PCDHGA3: variants seen among roughly 807,000 people sequenced by gnomAD.
The protein encoded by PCDHGA3 is protocadherin gamma subfamily A, 3.
Under a neutral mutation model 58.5 loss-of-function variants are expected in PCDHGA3, and 40 were observed. That is an observed-to-expected ratio of 0.68 (90% confidence interval 0.53 to 0.89). The LOEUF (loss-of-function observed/expected upper bound fraction) is 0.89. Among genes scored for constraint, PCDHGA3 ranks in the 40% least tolerant of loss-of-function variants. The probability of loss-of-function intolerance (pLI) is 0.00; values close to 1 mark genes in which losing one functional copy is unlikely to be tolerated. For synonymous variants in PCDHGA3, 530 were observed against 525.7 expected, an observed-to-expected ratio of 1.01 and a Z score of -0.11; for missense variants, 1,223 against 1,195.9, an observed-to-expected ratio of 1.02 and a Z score of -0.33.
At chr5:141,370,230 C>CG (rs1766760577) in intron 1 of PCDHGA3, 1 of 588,024 alleles carries the variant, frequency 1.7e-6, no homozygotes, top group East Asian at 2.9e-5. Flanking sequence ...GCAGCCAGCT[C>CG]GGAAGAAAAG....
chr5:141,481,351 A>G (rs2099536232), intron 1 of PCDHGA3, among the ~76,000 whole-genome samples: 1 of 152,152 alleles, frequency 6.6e-6, no homozygotes, highest in Non-Finnish European at 1.5e-5. Context: ...TTAAACATCT[A>G]CAGCTGTTCA....
At chr5:141,421,429 G>T in intron 1 of PCDHGA3, 1 of 1,614,090 alleles carries the variant, frequency 6.2e-7, no homozygotes, top group Non-Finnish European at 8.5e-7. Flanking sequence ...AGTCCGCATC[G>T]TCTCCAGAGG....
intron 1 of PCDHGA3, among the ~76,000 whole-genome samples, chr5:141,479,036 G>C (rs1202411463): frequency 1.3e-5 from 2 of 152,012 alleles, no homozygotes; most frequent in Non-Finnish European, 2.9e-5. Flanking sequence ...TATACAGATC[G>C]TGTACCTCAT....
At chr5:141,398,162 A>G (rs1037240871) in intron 1 of PCDHGA3, 45 of 1,481,274 alleles carry the variant, frequency 3.0e-5, no homozygotes, top group Non-Finnish European at 4.0e-5. Flanking sequence ...GGCCGGGCTG[A>G]GAGGCTGCCA....
Position 141,432,126 on chromosome 5 carries a change from C to A in PCDHGA3, c.2425-62681C>A. 6.2e-7 allele frequency: 1 copy of A among 1,614,144 alleles called. No homozygotes were observed. Among genetic ancestry groups the A allele is most frequent in the South Asian group, 1.1e-5 (1 of 91,058 alleles). ...AACCCGCCGGTCTTCCCTCAGGCCT[C>A]CTATTCCGCTTATATCCCAGAGAAC... On this transcript the variant is annotated intron_variant, in intron 1 of 3. Transcript: ENST00000253812. The surrounding 1 kb of genome is among the most constrained non-coding windows in gnomAD (Gnocchi z 6.0).
At chr5:141,423,926 T>C (rs925790302) in intron 1 of PCDHGA3, 2 of 1,245,276 alleles carry the variant, frequency 1.6e-6, no homozygotes, top group Non-Finnish European at 2.0e-6. Flanking sequence ...CTATGCTGGT[T>C]TGGTTTGAAG....
In PCDHGA3 at chr5:141,362,558, T is replaced by G. The variant is rs1762565840; in HGVS notation, c.2424+16101T>G. ...TTTGCCTCAGATACTATTTTGAAGG[T>G]GAGCTTTAATTAATTTATTTTCACT... On this transcript the variant is annotated intron_variant, in intron 1 of 3. Transcript: ENST00000253812. 4 of 1,611,392 alleles carry G rather than the reference T, an allele frequency of 2.5e-6. No homozygotes were observed. The Middle Eastern group carries it at 5.0e-4, about 200-fold the overall frequency.
At chr5:141,408,645 C>T (rs763904747) in intron 1 of PCDHGA3, 10 of 1,613,890 alleles carry the variant, frequency 6.2e-6, no homozygotes, top group Non-Finnish European at 8.5e-6. Flanking sequence ...TCTGCATCCG[C>T]TGGTACACGA....
intron 1 of PCDHGA3, chr5:141,392,975 GGA>G: frequency 6.2e-7 from 1 of 1,613,862 alleles, no homozygotes; most frequent in Non-Finnish European, 8.5e-7. Context: ...ACCTGGGGCT[GGA>G]CCCCCGGAAG....
intron 1 of PCDHGA3, among the ~76,000 whole-genome samples, chr5:141,471,883 C>T (rs951573411): frequency 6.6e-6 from 1 of 152,084 alleles, no homozygotes; most frequent in Non-Finnish European, 1.5e-5. Flanking sequence ...GAGGCTGAAG[C>T]TAGGAAGATT....
In PCDHGA3 at chr5:141,376,166, G is replaced by A. The variant is rs753856036; in HGVS notation, c.2424+29709G>A. Reference sequence around the variant, plus strand: ...TTCGGACCTCACTCTGTACCTGGTGGTGGCGGTGGCCGCGGTCTCCTGCGT... The same window carrying A: ...TTCGGACCTCACTCTGTACCTGGTGATGGCGGTGGCCGCGGTCTCCTGCGT... On this transcript the variant is annotated intron_variant, in intron 1 of 3. Transcript: ENST00000253812. The A allele has an allele frequency of 3.3e-5, 53 of 1,614,094 alleles. 1 individual carries two copies. The South Asian group carries it at 5.3e-4, about 16-fold the overall frequency.
At chr5:141,452,854 A>G (rs137963870) in intron 1 of PCDHGA3, among the ~76,000 whole-genome samples, 109 of 152,264 alleles carry the variant, frequency 7.2e-4, no homozygotes, top group African/African-American at 2.5e-3. Flanking sequence ...CTCTGGGGAG[A>G]TGATTTTCTA....
chr5:141,420,187 C>G (rs1369031488), intron 1 of PCDHGA3: 1 of 1,613,706 alleles, frequency 6.2e-7, no homozygotes, highest in East Asian at 2.2e-5. Context: ...ATTGTCCAGC[C>G]ACACAAGATA....
intron 1 of PCDHGA3, among the ~76,000 whole-genome samples, chr5:141,494,072 C>G (rs2099751672): frequency 6.6e-6 from 1 of 152,160 alleles, no homozygotes; most frequent in Non-Finnish European, 1.5e-5. Flanking sequence ...CTGGATCCCT[C>G]CCCGCTGCAT....
chr5:141,405,401 TC>T (rs1176566209), intron 1 of PCDHGA3: 1 of 1,591,534 alleles, frequency 6.3e-7, no homozygotes, highest in Non-Finnish European at 8.6e-7. Flanking sequence ...TTTCTTTCTT[TC>T]TTTTCTTTTT....
chr5:141,389,618 C>T (rs1224398489), intron 1 of PCDHGA3: 46 of 1,612,930 alleles, frequency 2.9e-5, no homozygotes, highest in Middle Eastern at 1.7e-4. Flanking sequence ...TGGTGCCGCA[C>T]GCTGCAGAGC....
In PCDHGA3 at chr5:141,423,972, T is replaced by C. The variant is rs1459859824; in HGVS notation, c.2425-70835T>C. ...TTTAGTATTATTTTTCTATTATCAG[T>C]GTATGAGGCTCTCAATTTATTATAT... On this transcript the variant is annotated intron_variant, in intron 1 of 3. Transcript: ENST00000253812. 4 of 1,128,544 alleles carry C rather than the reference T, an allele frequency of 3.5e-6. No homozygotes were observed. The East Asian group carries it at 1.9e-4, about 53-fold the overall frequency. The allele number at this position is 1,128,544 out of a possible 1,614,324, so 69.9% of individuals were successfully genotyped here.
chr5:141,487,361 A>C lies in PCDHGA3; in HGVS notation c.2425-7446A>C. On this transcript the variant is annotated intron_variant, in intron 1 of 3. Transcript: ENST00000253812. This position sits in a 1 kb window ranked among gnomAD's most constrained non-coding sequence, Gnocchi z 5.0. ...TGGAGTCACATGCTTTCCTGCTGGC[A>C]CCTGTGCCTGTCTCACCAGATCTCG... The C allele has an allele frequency of 1.2e-6, 2 of 1,613,834 alleles. No individual in the cohort carries two copies. Among genetic ancestry groups the C allele is most frequent in the East Asian group, 2.2e-5 (1 of 44,860 alleles).
intron 1 of PCDHGA3, chr5:141,351,590 A>C (rs1758764675): frequency 6.2e-7 from 1 of 1,613,860 alleles, no homozygotes; most frequent in Admixed American, 1.7e-5. Flanking sequence ...CATCAACGAC[A>C]ATGCACCTGT....
Sources: allele counts gnomAD v4.1 joint callset (sites outside exome capture counted in the v4.1 genomes callset), GRCh38; gene constraint gnomAD v4.1.1; non-coding constraint Gnocchi (gnomAD v3.1); transcripts MANE v1.5; gene names NCBI Gene and HGNC (gene_info 2026-07-23, HGNC 2026-07-21).